The following ASIC2 variants were observed in gnomAD, a reference collection of about 807,000 sequenced individuals.
ASIC2 encodes acid sensing ion channel subunit 2, also known as acid-sensing ion channel 2.
In ASIC2, 25 loss-of-function variants were observed where a neutral mutation model predicts 57.3. The ratio of observed to expected loss-of-function variants is 0.44; its 90% confidence interval spans 0.32 to 0.61. ASIC2 has a LOEUF of 0.61. Among genes scored for constraint, ASIC2 ranks in the 20% least tolerant of loss-of-function variants. The pLI is 0.06. For missense variants in ASIC2, 641 were observed against 738.1 expected (o/e 0.87, Z 1.52); for synonymous variants, 319 against 307.5 (o/e 1.04, Z -0.39).
intron 1 of ASIC2, among the ~76,000 whole-genome samples, chr17:33,677,980 A>G (rs1907879720): frequency 6.6e-6 from 1 of 152,182 alleles, no homozygotes; most frequent in African/African-American, 2.4e-5. Context: ...ATTGCATGCT[A>G]CCTGTTAAAT....
rs577640880 is a variant in ASIC2 at position 33,755,018 on chromosome 17, T to C, written c.555+400960A>G. Among the ~76,000 whole-genome samples, 4 of 146,062 alleles carry C rather than the reference T, an allele frequency of 2.7e-5. No individual in the cohort carries two copies. The East Asian group carries it at 8.0e-4, about 29-fold the overall frequency. On this transcript the variant is annotated intron_variant, in intron 1 of 9. Transcript: ENST00000359872. ...TAGACAGTGAGAATGTTGCCTTGTA[T>C]AACAAAAAGGACTTTGCTGATGGGA...
At chr17:33,963,431 A>C (rs1904985897) in intron 1 of ASIC2, among the ~76,000 whole-genome samples, 1 of 152,176 alleles carries the variant, frequency 6.6e-6, no homozygotes, top group Admixed American at 6.5e-5. Flanking sequence ...AAGCACAGAG[A>C]GAAAAATGTC....
intron 1 of ASIC2, among the ~76,000 whole-genome samples, chr17:33,573,563 T>A (rs925286575): frequency 6.6e-6 from 1 of 152,018 alleles, no homozygotes; most frequent in African/African-American, 2.4e-5. Context: ...ATCTTGTTTT[T>A]TTGTTTTGTT....
chr17:33,211,536 GAA>G (rs10717410), intron 1 of ASIC2, among the ~76,000 whole-genome samples: 5,457 of 126,598 alleles, frequency 0.043, 286 homozygotes, highest in African/African-American at 0.12. Context: ...CTCTTTAAAT[GAA>G]AAAAAAAAAA....
At chr17:33,182,441 T>A (rs895026258) in intron 1 of ASIC2, among the ~76,000 whole-genome samples, 1 of 152,302 alleles carries the variant, frequency 6.6e-6, no homozygotes, top group East Asian at 1.9e-4. Context: ...ATCATTATTA[T>A]TGTTTTGTGA....
intron 3 of ASIC2, among the ~76,000 whole-genome samples, chr17:33,034,713 G>A (rs887903771): frequency 6.6e-6 from 1 of 151,974 alleles, no homozygotes; most frequent in Non-Finnish European, 1.5e-5. Context: ...TTCCCTGCAG[G>A]TATTATGCCC....
At chr17:33,074,459 C>T (rs763292723) in intron 3 of ASIC2, among the ~76,000 whole-genome samples, 5 of 152,084 alleles carry the variant, frequency 3.3e-5, no homozygotes, top group Middle Eastern at 3.2e-3. Flanking sequence ...ATTTCCACTT[C>T]GATTTGCTGA....
At chr17:33,474,630 G>A (rs374429194) in intron 1 of ASIC2, among the ~76,000 whole-genome samples, 1 of 152,146 alleles carries the variant, frequency 6.6e-6, no homozygotes, top group African/African-American at 2.4e-5. Context: ...CCCAAGGAGG[G>A]AGCCTGACTT....
At chr17:33,930,961 C>G (rs1915918689) in intron 1 of ASIC2, among the ~76,000 whole-genome samples, 1 of 152,170 alleles carries the variant, frequency 6.6e-6, no homozygotes, top group South Asian at 2.1e-4. Flanking sequence ...CTCTGCCGCC[C>G]AGGCTGGAGT....
At chr17:33,787,337 G>A (rs1911636474) in intron 1 of ASIC2, among the ~76,000 whole-genome samples, 1 of 152,178 alleles carries the variant, frequency 6.6e-6, no homozygotes, top group Non-Finnish European at 1.5e-5. Context: ...TGCTGAAGAA[G>A]GTGTGTAACC....
rs1904707548 is a variant in ASIC2 at position 34,156,026 on chromosome 17, G to C, written c.507C>G (p.Leu169=). Residue 169 remains leucine, a synonymous_variant, in exon 1 of 10, where the codon CTC becomes CTG. Coordinates refer to the ASIC2 transcript ENST00000359872. This position sits in a 1 kb window ranked among gnomAD's most constrained non-coding sequence, Gnocchi z 4.4. ...ACTCCTGCCCTTTGAACTTGCAGTA[G>C]AGCATCATATCCTTCAGGTCATGGC... is the stretch of plus-strand genomic sequence containing the variant. The C allele has an allele frequency of 6.2e-7, 1 of 1,613,810 alleles. No homozygotes were observed. The highest frequency in any genetic ancestry group is 8.5e-7 in the Non-Finnish European group (1 of 1,179,988).
At chr17:33,168,018 A>G (rs544415391) in intron 1 of ASIC2, among the ~76,000 whole-genome samples, 1 of 152,354 alleles carries the variant, frequency 6.6e-6, no homozygotes, top group Admixed American at 6.5e-5. Context: ...AATAATGCCA[A>G]TATTGCAGAA....
At chr17:34,083,471 C>T (rs1019231231) in intron 1 of ASIC2, among the ~76,000 whole-genome samples, 2 of 151,394 alleles carry the variant, frequency 1.3e-5, no homozygotes, top group African/African-American at 2.4e-5. Context: ...TGAATAGTGC[C>T]ACAATAAACA....
At chr17:33,165,470 C>T (rs1468432725) in intron 1 of ASIC2, among the ~76,000 whole-genome samples, 4 of 151,352 alleles carry the variant, frequency 2.6e-5, no homozygotes, top group Admixed American at 6.6e-5. Flanking sequence ...TGTGTGTGTG[C>T]GTGCATGCGT....
intron 1 of ASIC2, among the ~76,000 whole-genome samples, chr17:33,956,644 C>T (rs1006753681): frequency 6.6e-6 from 1 of 152,174 alleles, no homozygotes; most frequent in African/African-American, 2.4e-5. Flanking sequence ...GCTGGTCCCC[C>T]ACTGTCAGAA....
At chr17:33,569,453 C>T (rs1244397279) in intron 1 of ASIC2, 3 of 152,344 alleles carry the variant, frequency 2.0e-5, no homozygotes, top group African/African-American at 4.8e-5. Flanking sequence ...TTCACCAGCA[C>T]TCAGGTGAGC....
At chr17:33,711,046 T>C (rs760794661) in intron 1 of ASIC2, among the ~76,000 whole-genome samples, 45 of 152,212 alleles carry the variant, frequency 3.0e-4, no homozygotes, top group Admixed American at 1.9e-3. Flanking sequence ...CAACTCCTGG[T>C]CTCAAGCGAT....
chr17:33,821,685 C>T (rs1396802390), intron 1 of ASIC2, among the ~76,000 whole-genome samples: 2 of 152,202 alleles, frequency 1.3e-5, no homozygotes, highest in African/African-American at 2.4e-5. Flanking sequence ...TCCTATTTAT[C>T]CCCAAGTCAG....
At chr17:33,610,052 G>GCACA (rs1491226445) in intron 1 of ASIC2, among the ~76,000 whole-genome samples, 94 of 95,776 alleles carry the variant, frequency 9.8e-4, no homozygotes, top group African/African-American at 4.7e-3. Flanking sequence ...CTGGACAGAG[G>GCACA]CGCACACACA....
Sources: gnomAD v4.1 joint callset for allele counts (sites outside exome capture counted in the v4.1 genomes callset) on GRCh38, gnomAD v4.1.1 for gene constraint, Gnocchi (gnomAD v3.1) non-coding constraint, MANE v1.5 for transcripts, NCBI Gene and HGNC (gene_info 2026-07-23, HGNC 2026-07-21) for gene names.